SPON2: variants seen among roughly 807,000 people sequenced by gnomAD.
The protein encoded by SPON2 is spondin-2.
SPON2 carries 32 observed loss-of-function variants against 29.9 expected under a neutral mutation model. The observed-to-expected ratio is 1.07, with a 90% CI of 0.81 to 1.44. The LOEUF (loss-of-function observed/expected upper bound fraction) is 1.44. Among genes scored for constraint, SPON2 ranks in the 40% most tolerant of loss-of-function variants. The pLI is 0.00. For synonymous variants in SPON2, 248 were observed against 209.1 expected (o/e 1.19, Z -1.61); for missense variants, 541 against 455.5 (o/e 1.19, Z -1.71).
chr4:1,170,178 C>A, intron 5 of SPON2: 1 of 544,296 alleles, frequency 1.8e-6, no homozygotes, highest in African/African-American at 1.9e-5. Flanking sequence ...ATTCTTTCCT[C>A]TGGGCTGTGG....
chr4:1,170,417 C>G lies in SPON2; in HGVS notation c.796G>C (p.Val266Leu), dbSNP rs760768853. Reference sequence around the variant, plus strand: ...TGTCCGTTACCTGAGGCGCTGTCTACAATCTCATTGTCCCTGCTGGGCAGG... The same window carrying G: ...TGTCCGTTACCTGAGGCGCTGTCTAGAATCTCATTGTCCCTGCTGGGCAGG... ...PVLPSRDNEI[V>L]DSASVPETPL... The change falls in exon 5 of 6, where the codon GTA becomes CTA. Residue 266 changes from valine (V) to leucine (L), a missense_variant. Val to Leu is a conservative substitution (Grantham distance 32, BLOSUM62 1). Coordinates refer to ENST00000290902, the MANE Select transcript of SPON2 (RefSeq NM_012445.4). 6.2e-7 allele frequency: 1 copy of G among 1,613,408 alleles called. No homozygotes were observed. Among genetic ancestry groups the G allele is most frequent in the African/African-American group, 1.3e-5 (1 of 74,896 alleles).
At chr4:1,196,377 C>T (rs978569109), upstream of SPON2, among the ~76,000 whole-genome samples, 1 of 152,228 alleles carries the variant, frequency 6.6e-6, no homozygotes, top group Non-Finnish European at 1.5e-5. Context: ...CATGTGAGCT[C>T]CATGGGAACC....
chr4:1,185,663 G>A (rs1362984849), intron 1 of SPON2, among the ~76,000 whole-genome samples: 7 of 121,318 alleles, frequency 5.8e-5, no homozygotes, highest in East Asian at 2.8e-4. Flanking sequence ...AGCTGAGATC[G>A]CGTCACTGCA....
upstream of SPON2, among the ~76,000 whole-genome samples, chr4:1,176,521 T>A (rs924246437): frequency 6.6e-6 from 1 of 151,114 alleles, no homozygotes; most frequent in African/African-American, 2.4e-5. Flanking sequence ...AGTACATTGA[T>A]TCACACAGTA....
intron 1 of SPON2, among the ~76,000 whole-genome samples, chr4:1,183,577 G>A (rs578068308): frequency 1.3e-5 from 2 of 152,086 alleles, no homozygotes; most frequent in African/African-American, 2.4e-5. Flanking sequence ...GTAACTCCAC[G>A]TTTTGTTCAT....
At chr4:1,171,611 G>C in intron 2 of SPON2, 125 bp from the exon 3 acceptor site, 1 of 1,050,900 alleles carries the variant, frequency 9.5e-7, no homozygotes, top group Non-Finnish European at 1.4e-6. Context: ...CAGTCACGTC[G>C]GACCGTGACA....
intron 1 of SPON2, among the ~76,000 whole-genome samples, chr4:1,185,717 A>AAAAAAAAAAAC (rs1727780597): frequency 6.6e-6 from 1 of 150,828 alleles, no homozygotes; most frequent in South Asian, 2.1e-4. Flanking sequence ...CCAAAAAAAA[A>AAAAAAAAAAAC]AAGAATGAAG....
chr4:1,176,813 C>CCACAGTTCATTCATTCATTCA (rs1197309837), upstream of SPON2, among the ~76,000 whole-genome samples: 4 of 141,314 alleles, frequency 2.8e-5, no homozygotes, highest in East Asian at 1.9e-4. Flanking sequence ...ATGCAATCAT[C>CCACAGTTCATTCATTCATTCA]CACAGTTCAT....
At chr4:1,206,087 C>T (rs1728334756) in intron 1 of SPON2, among the ~76,000 whole-genome samples, 1 of 152,198 alleles carries the variant, frequency 6.6e-6, no homozygotes, top group African/African-American at 2.4e-5. Context: ...GCTTCTCCTG[C>T]CTGGTCTCCT....
chr4:1,177,685 T>A (rs1035774977), upstream of SPON2, among the ~76,000 whole-genome samples: 6 of 152,160 alleles, frequency 3.9e-5, no homozygotes, highest in East Asian at 9.6e-4. Flanking sequence ...CCTTTCTGCA[T>A]GGGTTCTGGC....
intron 1 of SPON2, among the ~76,000 whole-genome samples, chr4:1,189,722 C>T (rs1302348442): frequency 4.0e-5 from 6 of 151,006 alleles, no homozygotes; most frequent in Non-Finnish European, 1.5e-5. Context: ...GGTGCGGTGG[C>T]TCACACCTAT....
intron 1 of SPON2, among the ~76,000 whole-genome samples, chr4:1,206,390 C>T (rs1728343955): frequency 6.6e-6 from 1 of 152,236 alleles, no homozygotes. Context: ...TGGTCTGGCC[C>T]CACCACTGCT....
chr4:1,208,077 T>G (rs918376442), exon 1 of SPON2: 2 of 152,672 alleles, frequency 1.3e-5, no homozygotes, highest in African/African-American at 4.8e-5. Flanking sequence ...ATGGTTTTCT[T>G]TGCTGCAGGG....
At chr4:1,181,493 C>T (rs1217665655) in intron 1 of SPON2, among the ~76,000 whole-genome samples, 1 of 152,164 alleles carries the variant, frequency 6.6e-6, no homozygotes, top group Non-Finnish European at 1.5e-5. Context: ...TAGGAAGATT[C>T]TGGGAAGATG....
chr4:1,199,076 C>G (rs894780591), upstream of SPON2: 4 of 152,028 alleles, frequency 2.6e-5, no homozygotes, highest in South Asian at 6.2e-4. The surrounding 1 kb of genome is among the most constrained non-coding windows in gnomAD (Gnocchi z 4.5). Flanking sequence ...GATTGTAAAC[C>G]TAGTTATGCC....
chr4:1,174,531 A>T (rs577814706), upstream of SPON2, among the ~76,000 whole-genome samples: 63 of 152,090 alleles, frequency 4.1e-4, 1 homozygote, highest in Non-Finnish European at 6.3e-4. Context: ...AAACAAAAAA[A>T]ACTAATTGAG....
chr4:1,185,351 C>T (rs964455938), intron 1 of SPON2, among the ~76,000 whole-genome samples: 3 of 151,074 alleles, frequency 2.0e-5, no homozygotes, highest in African/African-American at 7.3e-5. Context: ...GCTGGGATTA[C>T]AGGCATAATC....
At chr4:1,190,391 T>G (rs1001636189) in intron 1 of SPON2, among the ~76,000 whole-genome samples, 15 of 152,078 alleles carry the variant, frequency 9.9e-5, no homozygotes, top group African/African-American at 3.4e-4. Flanking sequence ...TTAATACCAA[T>G]CCTTCATAAA....
rs539394931 is a variant in SPON2, at chr4:1,169,000, G to A, written c.812-1344C>T. ...TCCCCACTGCCCACTCTGGTCCCTC[G>A]GCTGGCACAGCTGGCTCTGTCCGTC... On this transcript the variant is annotated intron_variant, in intron 5 of 5. Transcript: ENST00000290902. Among the ~76,000 whole-genome samples, 5 of 152,260 alleles carry A rather than the reference G, an allele frequency of 3.3e-5. No homozygotes were observed. In the South Asian group the frequency reaches 1.0e-3, roughly 32 times the overall value.
Sources: gnomAD v4.1 joint callset for allele counts (sites outside exome capture counted in the v4.1 genomes callset) on GRCh38, gnomAD v4.1.1 for gene constraint, Gnocchi (gnomAD v3.1) non-coding constraint, MANE v1.5 for transcripts, NCBI Gene and HGNC (gene_info 2026-07-23, HGNC 2026-07-21) for gene names.